Variants in PCDH9 observed in about 807,000 individuals in gnomAD.
PCDH9 encodes the protein protocadherin 9.
PCDH9 carries 24 observed loss-of-function variants against 70.6 expected under a neutral mutation model. The ratio of observed to expected loss-of-function variants is 0.34; its 90% CI spans 0.25 to 0.48. The LOEUF (loss-of-function observed/expected upper bound fraction) is 0.48. PCDH9 is among the 20% of genes least tolerant of loss of function. PCDH9 has a pLI of 0.99. For missense variants in PCDH9, 1,281 were observed against 1,503.6 expected, an observed-to-expected ratio of 0.85 and a Z score of 2.45; for synonymous variants, 562 against 558.5, an observed-to-expected ratio of 1.01 and a Z score of -0.09.
intron 2 of PCDH9, among the ~76,000 whole-genome samples, chr13:67,181,424 G>A (rs2088612668): frequency 6.6e-6 from 1 of 152,176 alleles, no homozygotes; most frequent in Non-Finnish European, 1.5e-5. Flanking sequence ...GGAGAGAGAG[G>A]AGAGAGGAAT....
intron 3 of PCDH9, among the ~76,000 whole-genome samples, chr13:66,707,799 T>C (rs930817178): frequency 2.6e-5 from 4 of 152,204 alleles, no homozygotes; most frequent in African/African-American, 7.2e-5. Flanking sequence ...CACAATGTAT[T>C]GAATTACCAA....
Position 66,648,400 on chromosome 13 carries a change from G to T in PCDH9, c.3139-16989C>A, listed in dbSNP as rs1018711434. ...TTGTTCAGGAGAAAGTAAGGGAAGA[G>T]AACAAGATTTTCTGCCTGTAATCCA... On this transcript the variant is annotated intron_variant, in intron 3 of 4. Coordinates refer to ENST00000377865, the MANE Select transcript of PCDH9 (RefSeq NM_203487.3). Among the ~76,000 whole-genome samples the T allele has an allele frequency of 7.2e-5, 11 of 152,170 alleles. 1 individual carries two copies. In the South Asian group the frequency reaches 8.3e-4, roughly 11 times the overall value.
rs1566225401 is a variant in PCDH9, at chr13:66,831,111, T to C, written c.3138+72393A>G. On this transcript the variant is annotated intron_variant, in intron 3 of 4. Coordinates refer to ENST00000377865, the MANE Select transcript of PCDH9 (RefSeq NM_203487.3). ...GAGTTATAGAGAATCAGGCTCTCCATGGACAGATGCATCTACAGATAAGAT... is the reference window on the plus strand; with the variant it reads ...GAGTTATAGAGAATCAGGCTCTCCACGGACAGATGCATCTACAGATAAGAT... Among the ~76,000 whole-genome samples, 5 of 152,326 alleles carry C rather than the reference T, an allele frequency of 3.3e-5. No homozygotes were observed. In the South Asian group the frequency reaches 1.0e-3, roughly 32 times the overall value.
intron 4 of PCDH9, among the ~76,000 whole-genome samples, chr13:66,422,521 A>G (rs1267820926): frequency 6.6e-6 from 1 of 152,234 alleles, no homozygotes; most frequent in Non-Finnish European, 1.5e-5. Flanking sequence ...CTGCACAACT[A>G]CATGGAAACT....
intron 4 of PCDH9, among the ~76,000 whole-genome samples, chr13:66,481,360 A>G (rs1040211632): frequency 6.6e-6 from 1 of 151,924 alleles, no homozygotes; most frequent in Non-Finnish European, 1.5e-5. Context: ...CATCACCCTG[A>G]TGAGTCAGCA....
chr13:67,064,096 A>C (rs973458644), intron 2 of PCDH9, among the ~76,000 whole-genome samples: 2 of 152,114 alleles, frequency 1.3e-5, no homozygotes, highest in Non-Finnish European at 2.9e-5. Context: ...CCAACTGTTA[A>C]AGTGCTGGAG....
intron 4 of PCDH9, among the ~76,000 whole-genome samples, chr13:66,574,950 A>T (rs957302732): frequency 6.6e-6 from 1 of 152,160 alleles, no homozygotes; most frequent in Non-Finnish European, 1.5e-5. Flanking sequence ...AGATGGGAAG[A>T]TCACTTGAGG....
chr13:66,471,202 C>A (rs528326208), intron 4 of PCDH9, among the ~76,000 whole-genome samples: 1 of 151,668 alleles, frequency 6.6e-6, no homozygotes, highest in African/African-American at 2.4e-5. Context: ...CTGATCAGTT[C>A]GTACATGCCT....
intron 4 of PCDH9, among the ~76,000 whole-genome samples, chr13:66,534,054 T>A (rs143560418): frequency 9.5e-4 from 145 of 152,278 alleles, no homozygotes; most frequent in African/African-American, 3.5e-3. Flanking sequence ...TTCATTAATG[T>A]ATATTGAGAT....
intron 3 of PCDH9, among the ~76,000 whole-genome samples, chr13:66,692,086 G>A (rs912995234): frequency 6.6e-6 from 1 of 152,156 alleles, no homozygotes; most frequent in African/African-American, 2.4e-5. Context: ...TAGACTAGAT[G>A]AGGAACATGC....
At chr13:66,376,994 T>G (rs567814926) in intron 4 of PCDH9, among the ~76,000 whole-genome samples, 1 of 152,316 alleles carries the variant, frequency 6.6e-6, no homozygotes, top group South Asian at 2.1e-4. Flanking sequence ...AATAAAAAAA[T>G]CTGTGCTGAC....
At chr13:66,325,597 T>C (rs1217624074) in intron 4 of PCDH9, among the ~76,000 whole-genome samples, 1 of 152,078 alleles carries the variant, frequency 6.6e-6, no homozygotes, top group African/African-American at 2.4e-5. Flanking sequence ...CTGTACATCA[T>C]TTCAGAATTT....
intron 3 of PCDH9, among the ~76,000 whole-genome samples, chr13:66,862,905 T>C (rs879648748): frequency 5.3e-5 from 8 of 152,154 alleles, no homozygotes; most frequent in African/African-American, 1.9e-4. Flanking sequence ...TTGAAAAATG[T>C]ATTATATATA....
At chr13:66,687,631 T>C (rs996888519) in intron 3 of PCDH9, among the ~76,000 whole-genome samples, 3 of 152,114 alleles carry the variant, frequency 2.0e-5, no homozygotes, top group Non-Finnish European at 4.4e-5. Context: ...TGCCTGCTAT[T>C]TGCAAGATAA....
intron 3 of PCDH9, among the ~76,000 whole-genome samples, chr13:66,689,905 A>T (rs1330025611): frequency 6.6e-6 from 1 of 152,088 alleles, no homozygotes; most frequent in African/African-American, 2.4e-5. Context: ...CTTCTTTTTT[A>T]TTTTTTAAAG....
At chr13:66,323,916 A>T (rs1955796773) in intron 4 of PCDH9, among the ~76,000 whole-genome samples, 1 of 152,034 alleles carries the variant, frequency 6.6e-6, no homozygotes. Context: ...CATCAGAATC[A>T]TCTGGACTAT....
At chr13:66,500,787 T>G (rs1959173071) in intron 4 of PCDH9, among the ~76,000 whole-genome samples, 1 of 152,168 alleles carries the variant, frequency 6.6e-6, no homozygotes, top group African/African-American at 2.4e-5. Flanking sequence ...ATCATCTACA[T>G]TTCATTGAAA....
intron 2 of PCDH9, among the ~76,000 whole-genome samples, chr13:66,931,685 C>T (rs1352582161): frequency 4.6e-5 from 7 of 152,068 alleles, no homozygotes; most frequent in Admixed American, 4.6e-4. Context: ...TTTTCTGTTC[C>T]ACAGGTTTAT....
intron 3 of PCDH9, among the ~76,000 whole-genome samples, chr13:66,704,169 G>A (rs2078682905): frequency 6.6e-6 from 1 of 152,084 alleles, no homozygotes; most frequent in Admixed American, 6.5e-5. Flanking sequence ...CTAACATTGT[G>A]AATAGATACG....
Sources: allele counts gnomAD v4.1 joint callset (sites outside exome capture counted in the v4.1 genomes callset), GRCh38; gene constraint gnomAD v4.1.1; transcripts MANE v1.5; gene names NCBI Gene and HGNC (gene_info 2026-07-23, HGNC 2026-07-21).